Variants in CCSER1 observed in about 807,000 individuals in gnomAD.
CCSER1 encodes serine-rich coiled-coil domain-containing protein 1.
A neutral mutation model predicts 82.0 loss-of-function variants in CCSER1; 41 were observed. That is an observed-to-expected ratio of 0.50 (90% CI 0.39 to 0.65). The LOEUF (loss-of-function observed/expected upper bound fraction) is 0.65, where lower values mean the gene tolerates loss of function less well. CCSER1 is among the 30% of genes least tolerant of loss of function. The pLI is 0.00. For synonymous variants in CCSER1, 414 were observed against 383.9 expected, an observed-to-expected ratio of 1.08 and a Z score of -0.92; for missense variants, 1,119 against 1,064.2, an observed-to-expected ratio of 1.05 and a Z score of -0.72.
chr4:90,811,977 T>TATATAAACACACACACACACAC (rs1561180566), intron 7 of CCSER1, among the ~76,000 whole-genome samples: 3 of 95,286 alleles, frequency 3.1e-5, no homozygotes, highest in African/African-American at 1.2e-4. Flanking sequence ...CACATATATA[T>TATATAAACACACACACACACAC]ATATATATAT....
Position 90,929,326 on chromosome 4 carries a change from G to A in CCSER1, c.2172+5879G>A, listed in dbSNP as rs944433783. ...TTCATTCACAAAACATACAGGTATG[G>A]ATATTGCTATATACTATATTATTTT... On this transcript the variant is annotated intron_variant, in intron 9 of 10. Coordinates refer to ENST00000509176, the MANE Select transcript of CCSER1 (RefSeq NM_001145065.2). Among the ~76,000 whole-genome samples the A allele has an allele frequency of 4.6e-5, 7 of 152,094 alleles. No homozygotes were observed. The South Asian group carries it at 6.2e-4, about 14-fold the overall frequency.
chr4:90,341,349 C>T (rs1010721351), intron 3 of CCSER1, among the ~76,000 whole-genome samples: 2 of 152,054 alleles, frequency 1.3e-5, no homozygotes, highest in Admixed American at 1.3e-4. Context: ...TTGACATTAA[C>T]TTGACAATGT....
At chr4:91,495,991 C>G (rs1384970208) in intron 10 of CCSER1, among the ~76,000 whole-genome samples, 2 of 151,540 alleles carry the variant, frequency 1.3e-5, no homozygotes. Flanking sequence ...TTTTATAAAA[C>G]TTTTACCATG....
At chr4:90,271,253 G>C (rs1388201150) in intron 1 of CCSER1, among the ~76,000 whole-genome samples, 1 of 151,764 alleles carries the variant, frequency 6.6e-6, no homozygotes, top group Admixed American at 6.6e-5. Context: ...ACAAAGCTAT[G>C]GTAAACAAAA....
chr4:90,207,954 C>T (rs1739218831), intron 1 of CCSER1, among the ~76,000 whole-genome samples: 2 of 152,140 alleles, frequency 1.3e-5, no homozygotes, highest in Non-Finnish European at 2.9e-5. Flanking sequence ...GGAGGTGTCT[C>T]CCAGTCAGGG....
intron 10 of CCSER1, among the ~76,000 whole-genome samples, chr4:91,548,719 T>C (rs569155423): frequency 1.3e-5 from 2 of 152,230 alleles, no homozygotes; most frequent in African/African-American, 4.8e-5. Context: ...AGAAATTGGA[T>C]GTGATTCTTT....
At chr4:90,801,241 T>C (rs1177552152) in intron 7 of CCSER1, among the ~76,000 whole-genome samples, 1 of 152,160 alleles carries the variant, frequency 6.6e-6, no homozygotes, top group Non-Finnish European at 1.5e-5. Context: ...ATGATATATG[T>C]TTTTCTTTTA....
chr4:90,810,771 C>T (rs2149739674), intron 7 of CCSER1, among the ~76,000 whole-genome samples: 1 of 152,068 alleles, frequency 6.6e-6, no homozygotes, highest in East Asian at 1.9e-4. Flanking sequence ...ATGGAGCATT[C>T]CCAAAGGGGT....
At position 91,475,156 on chromosome 4, in the gene CCSER1, A is replaced by G. The variant is rs146679974; in HGVS notation, c.2218-123416A>G. Among the ~76,000 whole-genome samples, 5 of 151,292 alleles carry G rather than the reference A, an allele frequency of 3.3e-5. No individual in the cohort carries two copies. The East Asian group carries it at 7.7e-4, about 23-fold the overall frequency. ...AATTGTCATTCCTTTGTAAGTGACT[A>G]TGTTTTAAAGGATGTTGTGTGTGTG... On this transcript the variant is annotated intron_variant, in intron 10 of 10. Coordinates refer to ENST00000509176, the MANE Select transcript of CCSER1 (RefSeq NM_001145065.2).
intron 5 of CCSER1, among the ~76,000 whole-genome samples, chr4:90,534,198 C>T (rs550790035): frequency 3.9e-5 from 6 of 152,168 alleles, no homozygotes; most frequent in African/African-American, 7.2e-5. Flanking sequence ...GGCTCAATCT[C>T]GGCTCACTGC....
chr4:90,321,495 G>A (rs1487291230), intron 3 of CCSER1, among the ~76,000 whole-genome samples: 5 of 152,086 alleles, frequency 3.3e-5, no homozygotes, highest in African/African-American at 1.2e-4. Flanking sequence ...TGCATGTCCT[G>A]GCTATTGTGA....
intron 10 of CCSER1, among the ~76,000 whole-genome samples, chr4:91,491,948 GT>G (rs10717215): frequency 0.52 from 64,895 of 124,298 alleles, 15,155 homozygotes; most frequent in East Asian, 0.61. Flanking sequence ...ATTGCTAATA[GT>G]TTTTTTTTTT....
At chr4:90,816,904 C>G (rs965907700) in intron 8 of CCSER1, among the ~76,000 whole-genome samples, 4 of 152,060 alleles carry the variant, frequency 2.6e-5, no homozygotes, top group Non-Finnish European at 5.9e-5. Context: ...GAAACTTGAT[C>G]TTTATTTAAA....
intron 3 of CCSER1, among the ~76,000 whole-genome samples, chr4:90,324,478 G>A (rs1461664194): frequency 1.7e-3 from 260 of 149,740 alleles, no homozygotes; most frequent in Non-Finnish European, 2.7e-3. Flanking sequence ...CTTTTGAGAA[G>A]TGTCTGTTCA....
chr4:90,619,300 G>T (rs536443830), intron 5 of CCSER1, among the ~76,000 whole-genome samples: 1 of 151,956 alleles, frequency 6.6e-6, no homozygotes, highest in Admixed American at 6.6e-5. Context: ...AGTGGTGAAT[G>T]AGAGGGTGGG....
chr4:91,060,621 T>C (rs1038640856), intron 9 of CCSER1, among the ~76,000 whole-genome samples: 5 of 152,074 alleles, frequency 3.3e-5, no homozygotes, highest in African/African-American at 9.7e-5. Flanking sequence ...TCTTGTCTTT[T>C]ATATTGCACT....
chr4:90,254,136 A>C (rs993277594), intron 1 of CCSER1, among the ~76,000 whole-genome samples: 1 of 152,150 alleles, frequency 6.6e-6, no homozygotes, highest in Non-Finnish European at 1.5e-5. Context: ...GTCTCCTCTT[A>C]AATTTCTCAC....
intron 9 of CCSER1, among the ~76,000 whole-genome samples, chr4:90,927,915 A>G (rs541129555): frequency 1.3e-5 from 2 of 152,146 alleles, no homozygotes; most frequent in African/African-American, 4.8e-5. Flanking sequence ...CTGCCTGTGG[A>G]TTAAGCCCTG....
At chr4:91,032,574 A>G (rs1029492914) in intron 9 of CCSER1, among the ~76,000 whole-genome samples, 9 of 152,208 alleles carry the variant, frequency 5.9e-5, no homozygotes, top group Admixed American at 1.3e-4. Context: ...GGATTTTGAT[A>G]GATAGGAAGG....
Sources: gnomAD v4.1 joint callset for allele counts (sites outside exome capture counted in the v4.1 genomes callset) on GRCh38, gnomAD v4.1.1 for gene constraint, MANE v1.5 for transcripts, NCBI Gene and HGNC (gene_info 2026-07-23, HGNC 2026-07-21) for gene names.